The following RBM47 variants were observed in gnomAD, a reference collection of about 807,000 sequenced individuals.
RBM47 encodes the protein RNA binding motif protein 47.
Under a neutral mutation model 47.1 loss-of-function variants are expected in RBM47, and 21 were observed. The observed-to-expected ratio is 0.45, with a 90% CI of 0.32 to 0.64. The LOEUF (loss-of-function observed/expected upper bound fraction) is 0.64. Among genes scored for constraint, RBM47 ranks in the 30% least tolerant of loss-of-function variants. The pLI, the probability that RBM47 is intolerant of heterozygous loss-of-function variation, is 0.05. For synonymous variants in RBM47, 375 were observed against 361.7 expected (o/e 1.04, Z -0.42); for missense variants, 708 against 870.9 (o/e 0.81, Z 2.35).
At chr4:40,442,479 T>C (rs1306105476) in intron 3 of RBM47, among the ~76,000 whole-genome samples, 1 of 152,126 alleles carries the variant, frequency 6.6e-6, no homozygotes, top group African/African-American at 2.4e-5. Context: ...CTCAAAAAAT[T>C]AAACATAGAA....
At chr4:40,435,520 C>A (rs1226513128) in intron 5 of RBM47, among the ~76,000 whole-genome samples, 1 of 152,136 alleles carries the variant, frequency 6.6e-6, no homozygotes. Flanking sequence ...TGCACTCCAG[C>A]CCGGGTGACA....
chr4:40,437,874 C>A lies in RBM47; in HGVS notation c.1020G>T (p.Ala340=). The part of the protein sequence containing the change: ...AARGGGAAEA[A]QQPSYVYSCD... ...AGGAGTACACGTAGCTGGGCTGCTG[C>A]GCTGCCTCAGCCGCGCCGCCGCCCC... Residue 340 remains alanine, a synonymous_variant, in exon 4 of 7, where the codon GCG becomes GCT. Transcript: ENST00000295971. 6.2e-7 allele frequency: 1 copy of A among 1,613,872 alleles called. No homozygotes were observed. The highest frequency in any genetic ancestry group is 8.5e-7 in the Non-Finnish European group (1 of 1,180,012).
At chr4:40,602,415 C>T (rs937242725) in intron 1 of RBM47, among the ~76,000 whole-genome samples, 2 of 150,874 alleles carry the variant, frequency 1.3e-5, no homozygotes, top group Admixed American at 6.6e-5. Context: ...TTTGGGAGGC[C>T]GAGGCGGGCA....
chr4:40,568,960 G>A (rs184468564), intron 1 of RBM47, among the ~76,000 whole-genome samples: 9 of 149,264 alleles, frequency 6.0e-5, no homozygotes, highest in East Asian at 5.8e-4. Flanking sequence ...CAGCCTGGGC[G>A]ACAATAGTGA....
intron 2 of RBM47, among the ~76,000 whole-genome samples, chr4:40,477,685 C>T (rs1198013844): frequency 1.3e-5 from 2 of 152,104 alleles, no homozygotes; most frequent in Non-Finnish European, 2.9e-5. Flanking sequence ...TAAACCATCT[C>T]AGGATGATGA....
At chr4:40,596,350 G>A (rs192563576) in intron 1 of RBM47, among the ~76,000 whole-genome samples, 21 of 152,178 alleles carry the variant, frequency 1.4e-4, no homozygotes, top group African/African-American at 4.8e-4. Context: ...AGGTTTAAGG[G>A]GGGGAAGAGG....
intron 1 of RBM47, among the ~76,000 whole-genome samples, chr4:40,598,240 C>CTTTA (rs968591434): frequency 1.2e-4 from 19 of 152,030 alleles, no homozygotes; most frequent in Middle Eastern, 3.4e-3. Flanking sequence ...AATCACAGAA[C>CTTTA]TTTATTTATT....
At chr4:40,603,726 C>A (rs530924846) in intron 1 of RBM47, among the ~76,000 whole-genome samples, 2 of 152,294 alleles carry the variant, frequency 1.3e-5, no homozygotes, top group African/African-American at 4.8e-5. Context: ...CTCAGCCTCA[C>A]AAGTAGCTGG....
At chr4:40,552,047 CT>C (rs780411770) in intron 1 of RBM47, among the ~76,000 whole-genome samples, 8 of 152,130 alleles carry the variant, frequency 5.3e-5, no homozygotes, top group Non-Finnish European at 1.0e-4. Context: ...AGCAATCCAT[CT>C]TTATACAAGA....
chr4:40,605,069 C>T (rs527392787), intron 1 of RBM47, among the ~76,000 whole-genome samples: 7 of 152,102 alleles, frequency 4.6e-5, no homozygotes, highest in East Asian at 1.9e-4. Flanking sequence ...GTTGCCCCGA[C>T]GGGAGTGCAA....
At chr4:40,584,867 G>GTGTGTT (rs1733388269) in intron 1 of RBM47, among the ~76,000 whole-genome samples, 21 of 151,112 alleles carry the variant, frequency 1.4e-4, no homozygotes, top group Non-Finnish European at 3.1e-4. Flanking sequence ...TAGATCATGT[G>GTGTGTT]TGTTTGTTTG....
In RBM47 at chr4:40,623,534, A is replaced by G. The variant is rs564690202; in HGVS notation, c.-240+5862T>C. Among the ~76,000 whole-genome samples, 19 of 152,126 alleles carry G rather than the reference A, an allele frequency of 1.2e-4. 1 individual carries two copies. The South Asian group carries it at 3.9e-3, about 32-fold the overall frequency. ...TATTTTTTAGAGGTGAGATCTCACT[A>G]TGTTACCCAGGCTGGAGTGCAGTGG... On this transcript the variant is annotated intron_variant, in intron 1 of 6. Transcript: ENST00000295971.
chr4:40,508,588 G>T (rs1724441996), intron 2 of RBM47, among the ~76,000 whole-genome samples: 1 of 152,158 alleles, frequency 6.6e-6, no homozygotes, highest in South Asian at 2.1e-4. Flanking sequence ...TGAGTGAGAG[G>T]CCAGATACAA....
intron 1 of RBM47, among the ~76,000 whole-genome samples, chr4:40,552,127 G>A (rs765676582): frequency 8.6e-5 from 13 of 152,022 alleles, no homozygotes; most frequent in Non-Finnish European, 1.8e-4. Context: ...GGCTAGGTGC[G>A]GTGGCTCACA....
chr4:40,612,138 T>A (rs1234875610), intron 1 of RBM47, among the ~76,000 whole-genome samples: 1 of 152,238 alleles, frequency 6.6e-6, no homozygotes, highest in Non-Finnish European at 1.5e-5. Flanking sequence ...CAAGAAGTCC[T>A]GGGGAATCTG....
At chr4:40,624,383 C>T (rs1396240258) in intron 1 of RBM47, among the ~76,000 whole-genome samples, 1 of 152,112 alleles carries the variant, frequency 6.6e-6, no homozygotes, top group Non-Finnish European at 1.5e-5. Flanking sequence ...TCTAGATAAA[C>T]CCCTTTTTTT....
At chr4:40,505,154 C>T (rs1723921084) in intron 2 of RBM47, among the ~76,000 whole-genome samples, 1 of 152,054 alleles carries the variant, frequency 6.6e-6, no homozygotes, top group African/African-American at 2.4e-5. Context: ...TGCACCACTG[C>T]ATTCCAGACT....
chr4:40,500,068 A>T lies in RBM47; in HGVS notation c.-154-33369T>A, dbSNP rs370277953. ...AGTGGCTCACGCCTGTAATCCCAAC[A>T]CTGTGGGAGGCCGAGGCGGGTGGAT... On this transcript the variant is annotated intron_variant, in intron 2 of 6. Transcript: ENST00000295971. 2.0e-4 allele frequency among the ~76,000 whole-genome samples: 31 copies of T among 152,324 alleles called. No homozygotes were observed. In the South Asian group the frequency reaches 6.0e-3, roughly 30 times the overall value.
At chr4:40,441,260 A>T (rs1199460172) in intron 3 of RBM47, among the ~76,000 whole-genome samples, 1 of 116,500 alleles carries the variant, frequency 8.6e-6, no homozygotes, top group Non-Finnish European at 2.0e-5. Flanking sequence ...CTCGTTCTCC[A>T]CAAAAAAAGG....
Sources: allele counts gnomAD v4.1 joint callset (sites outside exome capture counted in the v4.1 genomes callset), GRCh38; gene constraint gnomAD v4.1.1; transcripts MANE v1.5; gene names NCBI Gene and HGNC (gene_info 2026-07-23, HGNC 2026-07-21).